The following TRUB1 variants were observed in gnomAD, a reference collection of about 807,000 sequenced individuals.
The protein encoded by TRUB1 is pseudouridylate synthase TRUB1.
In TRUB1, 23 loss-of-function variants were observed where a neutral mutation model predicts 33.9. The observed-to-expected ratio is 0.68, with a 90% CI of 0.49 to 0.96. The LOEUF is 0.96. Ranked by LOEUF, TRUB1 falls within the 40% of genes least tolerant of loss-of-function variation. The pLI, the probability that TRUB1 is intolerant of heterozygous loss-of-function variation, is 0.00. For missense variants in TRUB1, 378 were observed against 422.2 expected (o/e 0.90, Z 0.92); for synonymous variants, 163 against 165.4 (o/e 0.99, Z 0.11).
chr10:114,949,436 GA>G (rs1281740342), intron 2 of TRUB1, among the ~76,000 whole-genome samples: 1 of 152,158 alleles, frequency 6.6e-6, no homozygotes, highest in African/African-American at 2.4e-5. Context: ...ATATGACTTA[GA>G]AGGACAATAC....
chr10:114,976,847 A>G lies in TRUB1; in HGVS notation c.*1468A>G, dbSNP rs558680805. The G allele has an allele frequency of 7.9e-5, 12 of 152,320 alleles. No individual in the cohort carries two copies. Among genetic ancestry groups the G allele is most frequent in the African/African-American group, 2.6e-4 (11 of 41,572 alleles). 9.4% of individuals were successfully genotyped at this position (152,320 alleles called of 1,614,324 possible). On this transcript the variant is annotated 3_prime_UTR_variant, in exon 8 of 8. Coordinates refer to ENST00000298746, the MANE Select transcript of TRUB1 (RefSeq NM_139169.5). ...AGTGTTAATACCATGATGCATTAAC[A>G]TAAAATATCAAACACACAAAGTCAT...
At chr10:114,963,277 GTAC>G (rs2084291883) in intron 4 of TRUB1, among the ~76,000 whole-genome samples, 1 of 152,140 alleles carries the variant, frequency 6.6e-6, no homozygotes, top group South Asian at 2.1e-4. Flanking sequence ...GTATCTAATG[GTAC>G]TGTCTCCTCT....
chr10:114,967,403 C>T (rs746837837), intron 4 of TRUB1, among the ~76,000 whole-genome samples: 32 of 152,182 alleles, frequency 2.1e-4, no homozygotes, highest in African/African-American at 7.5e-4. Context: ...GTTACTCTTT[C>T]GTAGTCAAAT....
At position 114,976,513 on chromosome 10, in the gene TRUB1, A is replaced by T. The variant is rs1448601707; in HGVS notation, c.*1134A>T. On this transcript the variant is annotated 3_prime_UTR_variant, in exon 8 of 8. Coordinates refer to ENST00000298746, the MANE Select transcript of TRUB1 (RefSeq NM_139169.5). ...TATTATGCAGCCAGTCTGTAGAAAC[A>T]TTCAGATCCCTCTTCCTTTACTCAA... 1 of 152,194 alleles carries T rather than the reference A, an allele frequency of 6.6e-6. No individual in the cohort carries two copies. Among genetic ancestry groups the T allele is most frequent in the East Asian group, 1.9e-4 (1 of 5,202 alleles). The allele number at this position is 152,194 out of a possible 1,614,324, so 9.4% of individuals were successfully genotyped here. A position where few individuals can be genotyped will look rare whatever the true frequency, so the allele number is the denominator to read the frequency against.
Position 114,942,308 on chromosome 10 carries a change from C to T in TRUB1, c.287-337C>T, listed in dbSNP as rs1164270623. ...TAAAAATTAACTTCTTTTCATGATT[C>T]TCTATCTAACAGCCCACCACTACCA... On this transcript the variant is annotated intron_variant, in intron 1 of 7. Coordinates refer to ENST00000298746, the MANE Select transcript of TRUB1 (RefSeq NM_139169.5). Among the ~76,000 whole-genome samples the T allele has an allele frequency of 2.0e-5, 3 of 152,108 alleles. No homozygotes were observed. In the East Asian group the frequency reaches 5.8e-4, roughly 29 times the overall value.
At chr10:114,967,936 AT>A (rs1253213330) in intron 4 of TRUB1, among the ~76,000 whole-genome samples, 2 of 152,150 alleles carry the variant, frequency 1.3e-5, no homozygotes, top group Non-Finnish European at 1.5e-5. Context: ...TGACTTTTAA[AT>A]GCCCTTCAGC....
chr10:114,942,691 T>G lies in TRUB1; in HGVS notation c.333T>G (p.Thr111=). ...SPEWTKRKKQ[T]LKIGHGGTLD... is the part of the protein sequence containing the mutation. ...AATGGACCAAGAGGAAAAAGCAGACTTTGAAAATTGGGCATGGAGGGACTC... is the reference window on the plus strand; with the variant it reads ...AATGGACCAAGAGGAAAAAGCAGACGTTGAAAATTGGGCATGGAGGGACTC... The change falls in exon 2 of 8, where the codon ACT becomes ACG. Residue 111 remains threonine (T), a synonymous_variant. Coordinates refer to ENST00000298746, the MANE Select transcript of TRUB1 (RefSeq NM_139169.5). The G allele has an allele frequency of 1.2e-6, 2 of 1,614,132 alleles. No homozygotes were observed. The highest frequency in any genetic ancestry group is 1.3e-5 in the African/African-American group (1 of 75,044).
At chr10:114,959,424 A>C (rs1488207820) in intron 3 of TRUB1, among the ~76,000 whole-genome samples, 1 of 152,214 alleles carries the variant, frequency 6.6e-6, no homozygotes, top group Admixed American at 6.5e-5. Context: ...CAAACTTCTC[A>C]GTATAAAGGT....
intron 2 of TRUB1, 101 bp downstream of exon 2, chr10:114,942,844 G>C: frequency 1.3e-6 from 1 of 783,050 alleles, no homozygotes; most frequent in Non-Finnish European, 2.1e-6. Flanking sequence ...CTATTTTTCA[G>C]TCATTTTGGA....
intron 3 of TRUB1, among the ~76,000 whole-genome samples, chr10:114,956,086 A>G (rs2084260382): frequency 6.6e-6 from 1 of 152,196 alleles, no homozygotes; most frequent in Non-Finnish European, 1.5e-5. Context: ...CCTAAACAGA[A>G]CAGAAGCTGA....
intron 3 of TRUB1, among the ~76,000 whole-genome samples, chr10:114,955,201 G>A (rs1225003341): frequency 6.6e-6 from 1 of 152,158 alleles, no homozygotes; most frequent in Non-Finnish European, 1.5e-5. Context: ...AGTATAAAAC[G>A]TTGCTTACCT....
At chr10:114,973,349 G>A (rs771118305) in intron 6 of TRUB1, among the ~76,000 whole-genome samples, 1 of 152,136 alleles carries the variant, frequency 6.6e-6, no homozygotes, top group African/African-American at 2.4e-5. Flanking sequence ...ATTGACTAGG[G>A]AGAGTGTAAC....
intron 3 of TRUB1, among the ~76,000 whole-genome samples, chr10:114,951,670 G>A (rs952434342): frequency 6.6e-6 from 1 of 152,138 alleles, no homozygotes. Context: ...AAGAGAGAAG[G>A]GGTTATTTGG....
chr10:114,953,873 C>G (rs1047334356), intron 3 of TRUB1, among the ~76,000 whole-genome samples: 11 of 152,124 alleles, frequency 7.2e-5, no homozygotes, highest in African/African-American at 2.7e-4. Context: ...CTCGCGTGAA[C>G]TCATTGCAGG....
rs776739295 is a variant in TRUB1, at chr10:114,975,243, A to G, written c.914A>G (p.Glu305Gly). 4 of 1,613,556 alleles carry G rather than the reference A, an allele frequency of 2.5e-6. No homozygotes were observed. The African/African-American group carries it at 4.0e-5, about 16-fold the overall frequency. ...WTIDDIAQSL[E>G]HCSSLFPAEL... The stretch of plus-strand genomic sequence containing the variant: ...ATTGATGACATTGCACAGTCTCTTG[A>G]GCATTGCTCATCTCTTTTCCCAGCA... The change falls in exon 8 of 8, where the codon GAG (glutamate) becomes GGG (glycine). Residue 305 changes from glutamate to glycine, a missense_variant. Coordinates refer to ENST00000298746, the MANE Select transcript of TRUB1 (RefSeq NM_139169.5).
At chr10:114,959,660 C>T in intron 3 of TRUB1, 66 bp from the exon 4 acceptor site, 1 of 1,011,894 alleles carries the variant, frequency 9.9e-7, no homozygotes, top group Non-Finnish European at 1.6e-6. Context: ...GTGTAAACTT[C>T]AAGACATGCA....
At chr10:114,956,728 C>G (rs1419860877) in intron 3 of TRUB1, among the ~76,000 whole-genome samples, 1 of 152,094 alleles carries the variant, frequency 6.6e-6, no homozygotes, top group Non-Finnish European at 1.5e-5. Flanking sequence ...TCAGAGATTA[C>G]TAGATGTGCA....
chr10:114,970,221 C>T, intron 4 of TRUB1, 147 bp from the exon 5 acceptor site: 2 of 521,292 alleles, frequency 3.8e-6, no homozygotes, highest in Non-Finnish European at 6.8e-6. Flanking sequence ...TTCTTTTTAA[C>T]AAGGTAGAAT....
intron 2 of TRUB1, among the ~76,000 whole-genome samples, chr10:114,944,010 T>TC (rs2084200843): frequency 1.4e-5 from 2 of 147,760 alleles, no homozygotes; most frequent in Admixed American, 1.3e-4. Flanking sequence ...CTTTTTTTTT[T>TC]TTTTTTTTTT....
Sources: gnomAD v4.1 joint callset for allele counts (sites outside exome capture counted in the v4.1 genomes callset) on GRCh38, gnomAD v4.1.1 for gene constraint, MANE v1.5 for transcripts, NCBI Gene and HGNC (gene_info 2026-07-23, HGNC 2026-07-21) for gene names.